Variants in CSMD1 observed in about 807,000 individuals in gnomAD.
CSMD1 encodes CUB and Sushi multiple domains 1.
A neutral mutation model predicts 417.5 loss-of-function variants in CSMD1; 213 were observed. The observed-to-expected ratio is 0.51, with a 90% CI of 0.46 to 0.57. The LOEUF (loss-of-function observed/expected upper bound fraction) is 0.57. Ranked by LOEUF, CSMD1 falls within the 20% of genes least tolerant of loss-of-function variation. The probability of loss-of-function intolerance (pLI) is 0.00; values close to 1 mark genes in which losing one functional copy is unlikely to be tolerated. For missense variants in CSMD1, 6,923 were observed against 4,529.7 expected (o/e 1.53, Z -15.17); for synonymous variants, 2,862 against 1,736.8 (o/e 1.65, Z -16.11).
intron 3 of CSMD1, among the ~76,000 whole-genome samples, chr8:4,051,796 C>G (rs1563058583): frequency 6.6e-6 from 1 of 152,186 alleles, no homozygotes; most frequent in Non-Finnish European, 1.5e-5. Flanking sequence ...GTGATGGACA[C>G]CATACAATAC....
At chr8:4,440,314 A>G (rs551050423) in intron 2 of CSMD1, among the ~76,000 whole-genome samples, 1 of 152,322 alleles carries the variant, frequency 6.6e-6, no homozygotes, top group South Asian at 2.1e-4. Context: ...AATCAGCTGG[A>G]AAGTCTATTA....
chr8:4,561,854 G>A (rs1293987561), intron 2 of CSMD1, among the ~76,000 whole-genome samples: 1 of 152,168 alleles, frequency 6.6e-6, no homozygotes, highest in Non-Finnish European at 1.5e-5. Flanking sequence ...GAGAAACACA[G>A]TGACTTGTTC....
intron 1 of CSMD1, among the ~76,000 whole-genome samples, chr8:4,895,720 A>G (rs1804439371): frequency 6.6e-6 from 1 of 151,818 alleles, no homozygotes; most frequent in Non-Finnish European, 1.5e-5. Context: ...CAGTCTTCAA[A>G]CCTACAAAGC....
chr8:4,941,350 T>A (rs1402790138), intron 1 of CSMD1, among the ~76,000 whole-genome samples: 1 of 152,226 alleles, frequency 6.6e-6, no homozygotes, highest in Non-Finnish European at 1.5e-5. Flanking sequence ...TTTTGAGTAC[T>A]AAAATATGAT....
intron 21 of CSMD1, among the ~76,000 whole-genome samples, chr8:3,353,604 C>G (rs1225729081): frequency 1.3e-5 from 2 of 152,170 alleles, no homozygotes; most frequent in African/African-American, 4.8e-5. Context: ...AAGTAAAGAG[C>G]AAGTGCTCAG....
intron 1 of CSMD1, among the ~76,000 whole-genome samples, chr8:4,709,309 T>C (rs1373206268): frequency 1.3e-5 from 2 of 152,134 alleles, no homozygotes; most frequent in African/African-American, 2.4e-5. Flanking sequence ...TGCTGAACTA[T>C]GGAGGTTGAT....
chr8:4,766,048 CTA>C (rs1169786136), intron 1 of CSMD1, among the ~76,000 whole-genome samples: 14 of 152,150 alleles, frequency 9.2e-5, no homozygotes, highest in South Asian at 4.1e-4. Context: ...TGTTTGGAAA[CTA>C]TGTGGAAATC....
rs188374851 is a variant in CSMD1 at position 4,294,547 on chromosome 8, C to G, written c.415+125406G>C. Among the ~76,000 whole-genome samples, 4 of 152,260 alleles carry G rather than the reference C, an allele frequency of 2.6e-5. No individual in the cohort carries two copies. In the East Asian group the frequency reaches 7.7e-4, roughly 29 times the overall value. ...TTTGCAGATGAGCAAACACAAATCACTTGTCCATGGTGCCATGTTAGAGAA... is the reference window on the plus strand; with the variant it reads ...TTTGCAGATGAGCAAACACAAATCAGTTGTCCATGGTGCCATGTTAGAGAA... On this transcript the variant is annotated intron_variant, in intron 3 of 69. Transcript: ENST00000635120.
intron 2 of CSMD1, among the ~76,000 whole-genome samples, chr8:4,552,707 T>C (rs930481244): frequency 6.6e-6 from 1 of 152,182 alleles, no homozygotes; most frequent in Non-Finnish European, 1.5e-5. Context: ...CATCACAAGA[T>C]GCTCAGAAGC....
intron 40 of CSMD1, 87 bp from the exon 41 acceptor site, chr8:3,142,761 T>G: frequency 9.0e-7 from 1 of 1,105,984 alleles, no homozygotes; most frequent in Non-Finnish European, 1.4e-6. Context: ...GTGTTAGCAG[T>G]CTCCCCAGAC....
intron 1 of CSMD1, among the ~76,000 whole-genome samples, chr8:4,750,229 G>A (rs578127726): frequency 3.2e-4 from 49 of 151,118 alleles, no homozygotes; most frequent in African/African-American, 1.2e-3. Context: ...CGATGGTCTC[G>A]ATCTCCCGAC....
chr8:3,716,974 C>CA (rs1424796258), intron 6 of CSMD1, among the ~76,000 whole-genome samples: 6 of 151,904 alleles, frequency 3.9e-5, no homozygotes, highest in Admixed American at 2.6e-4. Context: ...CAATCATTTA[C>CA]AAAAAAATAA....
intron 1 of CSMD1, among the ~76,000 whole-genome samples, chr8:4,750,942 G>A (rs1487490806): frequency 2.0e-5 from 3 of 152,174 alleles, no homozygotes; most frequent in African/African-American, 7.2e-5. Flanking sequence ...TAATGTTGGT[G>A]CTTACAGCCA....
At chr8:4,670,303 G>C (rs1005560092) in intron 1 of CSMD1, among the ~76,000 whole-genome samples, 2 of 152,088 alleles carry the variant, frequency 1.3e-5, no homozygotes, top group Non-Finnish European at 2.9e-5. Flanking sequence ...GGTTTTTGTG[G>C]CCTTGGCCCT....
At position 4,615,654 on chromosome 8, in the gene CSMD1, G is replaced by A. The variant is rs560350802; in HGVS notation, c.302+21688C>T. ...AAATAATAAATATATTTTTTTGTGA[G>A]TGTAAGGTGTTATTTCCTTATACCA... On this transcript the variant is annotated intron_variant, in intron 2 of 69. Coordinates refer to ENST00000635120, the MANE Select transcript of CSMD1 (RefSeq NM_033225.6). 7.9e-4 allele frequency among the ~76,000 whole-genome samples: 121 copies of A among 152,210 alleles called. 1 individual carries two copies. Among genetic ancestry groups the A allele is most frequent in the African/African-American group, 2.8e-3 (117 of 41,546 alleles).
At chr8:3,337,065 C>G (rs575618158) in intron 23 of CSMD1, among the ~76,000 whole-genome samples, 9 of 152,056 alleles carry the variant, frequency 5.9e-5, no homozygotes, top group African/African-American at 2.2e-4. Context: ...GTTGGCCAGG[C>G]CTTGCTGTCC....
chr8:3,322,272 T>C (rs1050737072), intron 23 of CSMD1, among the ~76,000 whole-genome samples: 1 of 152,208 alleles, frequency 6.6e-6, no homozygotes, highest in African/African-American at 2.4e-5. Context: ...AATCATTTTA[T>C]TTTTATATTT....
rs1422258971 is a variant in CSMD1, at chr8:4,619,838, T to C, written c.302+17504A>G. ...TTGAAATAATATGTTTTGTTTGGAA[T>C]TAAATAATTCCATGATAAAATGAAG... On this transcript the variant is annotated intron_variant, in intron 2 of 69. Coordinates refer to ENST00000635120, the MANE Select transcript of CSMD1 (RefSeq NM_033225.6). Among the ~76,000 whole-genome samples, 3 of 152,118 alleles carry C rather than the reference T, an allele frequency of 2.0e-5. No homozygotes were observed. In the East Asian group the frequency reaches 5.8e-4, roughly 29 times the overall value.
chr8:4,199,583 C>G (rs555501809), intron 3 of CSMD1, among the ~76,000 whole-genome samples: 2 of 152,124 alleles, frequency 1.3e-5, no homozygotes, highest in Non-Finnish European at 2.9e-5. Context: ...AACAGACAAA[C>G]CAATTTATCT....
Sources: allele counts gnomAD v4.1 joint callset (sites outside exome capture counted in the v4.1 genomes callset), GRCh38; gene constraint gnomAD v4.1.1; transcripts MANE v1.5; gene names NCBI Gene and HGNC (gene_info 2026-07-23, HGNC 2026-07-21).